NRM: variants seen among roughly 807,000 people sequenced by gnomAD.
The protein encoded by NRM is nuclear rim protein.
In NRM, 19 loss-of-function variants were observed where a neutral mutation model predicts 23.4. That is an observed-to-expected ratio of 0.81 (90% CI 0.57 to 1.19). The LOEUF (loss-of-function observed/expected upper bound fraction) is 1.19. NRM is among the 50% of genes most tolerant of loss of function. The pLI, the probability that NRM is intolerant of heterozygous loss-of-function variation, is 0.00. For missense variants in NRM, 232 were observed against 329.7 expected (o/e 0.70, Z 2.30); for synonymous variants, 140 against 143.5 (o/e 0.98, Z 0.17).
In NRM at chr6:30,688,864, G is replaced by A. The variant is rs757037753; in HGVS notation, c.586C>T (p.Arg196Cys). ...AGCAGCTCCACACACACTGGGTGGC[G>A]CAGGTGGGAGAAGAGTCTGAGAGCC... ...PRALRLFSHL[R>C]HPVCVELLTV... is the part of the protein sequence containing the mutation. Residue 196 changes from arginine (R) to cysteine (C), a missense_variant, in exon 4 of 4, where the codon CGC becomes TGC. By Grantham distance (180) the Arg-to-Cys change is radical. Transcript: ENST00000376421. This position sits in a 1 kb window ranked among gnomAD's most constrained non-coding sequence, Gnocchi z 5.9. 27 of 1,613,834 alleles carry A rather than the reference G, an allele frequency of 1.7e-5. No homozygotes were observed. Among genetic ancestry groups the A allele is most frequent in the East Asian group, 2.2e-5 (1 of 44,870 alleles).
chr6:30,689,402 C>T lies in NRM; in HGVS notation c.381G>A (p.Glu127=). The change falls in exon 3 of 4, where the codon GAG becomes GAA. Residue 127 remains glutamate, a synonymous_variant. Transcript: ENST00000376421. The surrounding 1 kb of genome is among the most constrained non-coding windows in gnomAD (Gnocchi z 4.7). ...EPIPKGPVLW[E]ARAEPWATWV... is the part of the protein sequence containing the mutation. ...AGGTGGCCCATGGCTCAGCCCGAGC[C>T]TCCCACAACACAGGGCCTTTGGGTA... The T allele has an allele frequency of 1.3e-6, 2 of 1,572,386 alleles. No homozygotes were observed. Among genetic ancestry groups the T allele is most frequent in the Non-Finnish European group, 1.7e-6 (2 of 1,158,900 alleles).
Position 30,690,930 on chromosome 6 carries a change from G to A in NRM, c.45C>T (p.Phe15=). 1 of 1,563,792 alleles carries A rather than the reference G, an allele frequency of 6.4e-7. No individual in the cohort carries two copies. Residue 15 remains phenylalanine (F), a synonymous_variant, in exon 1 of 4, where the codon TTC becomes TTT. Coordinates refer to ENST00000376421, the MANE Select transcript of NRM (RefSeq NM_001384369.1). This position sits in a 1 kb window ranked among gnomAD's most constrained non-coding sequence, Gnocchi z 5.5. ...LLLIPAALAS[F]ILAFGTGVEF... ...CCACTCCGGTGCCAAAGGCCAGGAT[G>A]AAAGAGGCGAGGGCAGCAGGGATCA...
rs771473855 is a variant in NRM at position 30,689,305 on chromosome 6, C to T, written c.478G>A (p.Asp160Asn). 2 of 1,554,674 alleles carry T rather than the reference C, an allele frequency of 1.3e-6. No individual in the cohort carries two copies. Among genetic ancestry groups the T allele is most frequent in the South Asian group, 2.4e-5 (2 of 84,230 alleles). Residue 160 changes from aspartate (D) to asparagine (N), a missense_variant, in exon 3 of 4, where the codon GAC becomes AAC. Asp to Asn is a conservative substitution (Grantham distance 23, BLOSUM62 1). Transcript: ENST00000376421. This position sits in a 1 kb window ranked among gnomAD's most constrained non-coding sequence, Gnocchi z 4.7. ...LLIFSILLVF[D>N]YAELMGLKQV... ...TTGAGGCCCATGAGCTCAGCATAGT[C>T]AAAGACGAGAAGGATGCTAAAGATG...
Position 30,689,526 on chromosome 6 carries a change from GCC to G in NRM, c.331-76_331-75del. 1.4e-6 allele frequency: 2 copies of G among 1,413,926 alleles called. No homozygotes were observed. Among genetic ancestry groups the G allele is most frequent in the Non-Finnish European group, 1.9e-6 (2 of 1,059,600 alleles). 87.6% of individuals were successfully genotyped at this position (1,413,926 alleles called of 1,614,324 possible). On this transcript the variant is annotated intron_variant, in intron 2 of 3. Coordinates refer to ENST00000376421, the MANE Select transcript of NRM (RefSeq NM_001384369.1). This position sits in a 1 kb window ranked among gnomAD's most constrained non-coding sequence, Gnocchi z 4.7. ...CCTTGGGAGACCCAGACCCAGATCTGCCCCCACCACAGGCTAGCCTGCAACTC... is the reference window on the plus strand; with the variant it reads ...CCTTGGGAGACCCAGACCCAGATCTGCCCACCACAGGCTAGCCTGCAACTC...
Position 30,688,293 on chromosome 6 carries a change from C to T in NRM, c.*368G>A. 2 of 252,528 alleles carry T rather than the reference C, an allele frequency of 7.9e-6. No individual in the cohort carries two copies. The highest frequency in any genetic ancestry group is 7.7e-6 in the Non-Finnish European group (1 of 129,376). The allele number at this position is 252,528 out of a possible 1,614,324, so 15.6% of individuals were successfully genotyped here. On this transcript the variant is annotated 3_prime_UTR_variant, in exon 4 of 4. Coordinates refer to ENST00000376421, the MANE Select transcript of NRM (RefSeq NM_001384369.1). This position sits in a 1 kb window ranked among gnomAD's most constrained non-coding sequence, Gnocchi z 5.9. ...TCCACCTTCTTGGAGTGGAAGCCAG[C>T]GGTGCAGAAGGGGACCCCTGAGGCG...
chr6:30,690,716 C>T lies in NRM; in HGVS notation c.133+126G>A. The T allele has an allele frequency of 6.2e-7, 1 of 1,611,128 alleles. No individual in the cohort carries two copies. The highest frequency in any genetic ancestry group is 8.5e-7 in the Non-Finnish European group (1 of 1,179,318). On this transcript the variant is annotated intron_variant, in intron 1 of 3. Transcript: ENST00000376421. This position sits in a 1 kb window ranked among gnomAD's most constrained non-coding sequence, Gnocchi z 5.5. ...TCTCCCTCCCCTGTAGCTTCTCGGC[C>T]GCTTTCAAGGTTCGAGTTCCCTCTC... is the stretch of plus-strand genomic sequence containing the variant.
At position 30,690,250 on chromosome 6, in the gene NRM, G is replaced by A. The variant is rs1277316304; in HGVS notation, c.134-7C>T. 6.4e-7 allele frequency: 1 copy of A among 1,564,336 alleles called. No individual in the cohort carries two copies. The highest frequency in any genetic ancestry group is 1.4e-5 in the African/African-American group (1 of 71,956). ...AGCCATCCCTGGCGGGCATCTACAG[G>A]AAGTTGAGGGAAAAAGAGACAAAAG... On this transcript the variant is annotated splice_polypyrimidine_tract_variant and splice_region_variant and intron_variant, in intron 1 of 3. Coordinates refer to ENST00000376421, the MANE Select transcript of NRM (RefSeq NM_001384369.1). This position sits in a 1 kb window ranked among gnomAD's most constrained non-coding sequence, Gnocchi z 5.5.
chr6:30,689,468 G>A lies in NRM; in HGVS notation c.331-16C>T, dbSNP rs1183324971. ...GCATCACCAGCTGTGGAAGGATAAGGGGCTGGGTATCCCAGTGGCCTAGTC... is the reference window on the plus strand; with the variant it reads ...GCATCACCAGCTGTGGAAGGATAAGAGGCTGGGTATCCCAGTGGCCTAGTC... On this transcript the variant is annotated splice_polypyrimidine_tract_variant and intron_variant, in intron 2 of 3. Coordinates refer to ENST00000376421, the MANE Select transcript of NRM (RefSeq NM_001384369.1). This position sits in a 1 kb window ranked among gnomAD's most constrained non-coding sequence, Gnocchi z 4.7. The A allele has an allele frequency of 6.4e-7, 1 of 1,556,652 alleles. No homozygotes were observed. Among genetic ancestry groups the A allele is most frequent in the East Asian group, 2.4e-5 (1 of 41,584 alleles).
At position 30,689,366 on chromosome 6, in the gene NRM, G is replaced by C; in HGVS notation, c.417C>G (p.Leu139=). ...AGATGACATGGAGCACAAAGCAGAG[G>C]AGCGGCACCCAGGTGGCCCATGGCT... ...RAEPWATWVP[L]LCFVLHVISW... The change falls in exon 3 of 4, where the codon CTC becomes CTG. Residue 139 remains leucine (L), a synonymous_variant. Transcript: ENST00000376421. The surrounding 1 kb of genome is among the most constrained non-coding windows in gnomAD (Gnocchi z 4.7). 6.4e-7 allele frequency: 1 copy of C among 1,560,390 alleles called. No homozygotes were observed. Among genetic ancestry groups the C allele is most frequent in the Non-Finnish European group, 8.7e-7 (1 of 1,151,930 alleles).
chr6:30,689,193 C>A lies in NRM; in HGVS notation c.507+83G>T. On this transcript the variant is annotated intron_variant, in intron 3 of 3. Coordinates refer to ENST00000376421, the MANE Select transcript of NRM (RefSeq NM_001384369.1). The surrounding 1 kb of genome is among the most constrained non-coding windows in gnomAD (Gnocchi z 4.7). ...GAGAAGCAGGGAGACAGTAGAAGAG[C>A]ATGGGAGGAGGGAAACCCTTGAAAG... 1 of 1,344,390 alleles carries A rather than the reference C, an allele frequency of 7.4e-7. No homozygotes were observed. The highest frequency in any genetic ancestry group is 1.0e-6 in the Non-Finnish European group (1 of 986,198). 83.3% of individuals were successfully genotyped at this position (1,344,390 alleles called of 1,614,324 possible).
Position 30,689,942 on chromosome 6 carries a change from G to T in NRM, c.330+105C>A. Reference sequence around the variant, plus strand: ...AGATTAGTTCCTCAATTCTCCTCCTGAACCCATATTTTGCCCCTCCAATCC... The same window carrying T: ...AGATTAGTTCCTCAATTCTCCTCCTTAACCCATATTTTGCCCCTCCAATCC... On this transcript the variant is annotated intron_variant, in intron 2 of 3. Coordinates refer to ENST00000376421, the MANE Select transcript of NRM (RefSeq NM_001384369.1). The surrounding 1 kb of genome is among the most constrained non-coding windows in gnomAD (Gnocchi z 4.7). The T allele has an allele frequency of 8.9e-7, 1 of 1,121,130 alleles. No individual in the cohort carries two copies. The highest frequency in any genetic ancestry group is 1.3e-6 in the Non-Finnish European group (1 of 778,104). 69.4% of individuals were successfully genotyped at this position (1,121,130 alleles called of 1,614,324 possible).
chr6:30,691,038 C>T (rs756562781), upstream of NRM: 32 of 1,528,254 alleles, frequency 2.1e-5, no homozygotes, highest in Non-Finnish European at 2.8e-5. Context: ...AGGCCCCGCC[C>T]GCGGCCCCGC....
At chr6:30,691,065 C>A, upstream of NRM, 5 of 1,438,158 alleles carry the variant, frequency 3.5e-6, no homozygotes, top group South Asian at 1.3e-5. Flanking sequence ...CTGAATCCAG[C>A]CCAGGAGGGC....
Position 30,690,622 on chromosome 6 carries a change from GCTCCCTCAGTCCTCACTCTCCCGC to G in NRM, c.133+196_133+219del. 1 of 1,556,648 alleles carries G rather than the reference GCTCCCTCAGTCCTCACTCTCCCGC, an allele frequency of 6.4e-7. No individual in the cohort carries two copies. The highest frequency in any genetic ancestry group is 2.4e-5 in the East Asian group (1 of 40,854). ...AATACTCCGGTCACCGCCCTTTTCG[GCTCCCTCAGTCCTCACTCTCCCGC>G]CTCTCCAAAACTCTAATCCTTGAGT... On this transcript the variant is annotated intron_variant, in intron 1 of 3. Coordinates refer to ENST00000376421, the MANE Select transcript of NRM (RefSeq NM_001384369.1). The surrounding 1 kb of genome is among the most constrained non-coding windows in gnomAD (Gnocchi z 5.5).
chr6:30,690,665 C>A lies in NRM; in HGVS notation c.133+177G>T. 3 of 1,602,344 alleles carry A rather than the reference C, an allele frequency of 1.9e-6. No individual in the cohort carries two copies. The highest frequency in any genetic ancestry group is 1.7e-6 in the Non-Finnish European group (2 of 1,175,408). ...CTCCCGCCTCTCCAAAACTCTAATC[C>A]TTGAGTTCCTAATTTAGAACTCAGG... On this transcript the variant is annotated intron_variant, in intron 1 of 3. Transcript: ENST00000376421. The surrounding 1 kb of genome is among the most constrained non-coding windows in gnomAD (Gnocchi z 5.5).
At chr6:30,691,022 T>A (rs1382990726), upstream of NRM, 1 of 1,549,360 alleles carries the variant, frequency 6.5e-7, no homozygotes, top group South Asian at 1.2e-5. Context: ...GGATTCCCGC[T>A]GCCACAGGCC....
Position 30,690,620 on chromosome 6 carries a change from C to T in NRM, c.133+222G>A, listed in dbSNP as rs1395683176. On this transcript the variant is annotated intron_variant, in intron 1 of 3. Transcript: ENST00000376421. The surrounding 1 kb of genome is among the most constrained non-coding windows in gnomAD (Gnocchi z 5.5). ...AGAATACTCCGGTCACCGCCCTTTT[C>T]GGCTCCCTCAGTCCTCACTCTCCCG... The T allele has an allele frequency of 5.1e-6, 8 of 1,555,770 alleles. 1 individual carries two copies. The Admixed American group carries it at 1.5e-4, about 30-fold the overall frequency.
rs188180420 is a variant in NRM, at chr6:30,689,859, G to A, written c.330+188C>T. Among the ~76,000 whole-genome samples, 96 of 152,296 alleles carry A rather than the reference G, an allele frequency of 6.3e-4. No homozygotes were observed. Among genetic ancestry groups the A allele is most frequent in the Non-Finnish European group, 9.0e-4 (61 of 68,020 alleles). On this transcript the variant is annotated intron_variant, in intron 2 of 3. Coordinates refer to ENST00000376421, the MANE Select transcript of NRM (RefSeq NM_001384369.1). This position sits in a 1 kb window ranked among gnomAD's most constrained non-coding sequence, Gnocchi z 4.7. ...GAAGCATATCTTGTGCTTAGGGAAG[G>A]ACAAGTACACCCTTCTTGATAAAAA...
chr6:30,690,527 G>T lies in NRM; in HGVS notation c.134-284C>A, dbSNP rs1315428064. On this transcript the variant is annotated intron_variant, in intron 1 of 3. Transcript: ENST00000376421. This position sits in a 1 kb window ranked among gnomAD's most constrained non-coding sequence, Gnocchi z 5.5. ...CACGCTGGATTGCCCCTCTTACTTC[G>T]GTTCTCCAAATGCTCCTTCTTTTTA... 1 of 1,534,746 alleles carries T rather than the reference G, an allele frequency of 6.5e-7. No individual in the cohort carries two copies. Among genetic ancestry groups the T allele is most frequent in the South Asian group, 1.2e-5 (1 of 82,640 alleles).
Sources: gnomAD v4.1 joint callset for allele counts (sites outside exome capture counted in the v4.1 genomes callset) on GRCh38, gnomAD v4.1.1 for gene constraint, Gnocchi (gnomAD v3.1) non-coding constraint, MANE v1.5 for transcripts, NCBI Gene and HGNC (gene_info 2026-07-23, HGNC 2026-07-21) for gene names.